Variants in METTL24 observed in about 807,000 individuals in gnomAD.
METTL24 encodes methyltransferase like 24.
In METTL24, 29 loss-of-function variants were observed where a neutral mutation model predicts 32.7. The observed-to-expected ratio is 0.89, with a 90% confidence interval of 0.66 to 1.21. The LOEUF is 1.21. METTL24 is among the 50% of genes most tolerant of loss of function. METTL24 has a pLI of 0.00. For synonymous variants in METTL24, 163 were observed against 179.5 expected (o/e 0.91, Z 0.73); for missense variants, 439 against 468.1 (o/e 0.94, Z 0.57).
chr6:110,312,534 C>T (rs940689702), intron 3 of METTL24, among the ~76,000 whole-genome samples: 2 of 152,162 alleles, frequency 1.3e-5, no homozygotes, highest in African/African-American at 4.8e-5. Context: ...GAATAAAATC[C>T]TGTCATTTGC....
chr6:110,248,760 A>AAAAAAT (rs1778219278), intron 4 of METTL24, among the ~76,000 whole-genome samples: 1 of 151,970 alleles, frequency 6.6e-6, no homozygotes, highest in East Asian at 1.9e-4. Flanking sequence ...TCTCTACAAA[A>AAAAAAT]AAAAATAAAA....
chr6:110,299,946 T>C (rs1003509326), intron 3 of METTL24, among the ~76,000 whole-genome samples: 13 of 152,194 alleles, frequency 8.5e-5, no homozygotes, highest in Non-Finnish European at 1.8e-4. Flanking sequence ...ATGGCTTTTC[T>C]GCCCCAATAC....
intron 4 of METTL24, among the ~76,000 whole-genome samples, chr6:110,269,851 A>G (rs1444674476): frequency 6.6e-6 from 1 of 152,216 alleles, no homozygotes; most frequent in Non-Finnish European, 1.5e-5. Flanking sequence ...AAGAGCATAT[A>G]AAGGAAAAGA....
chr6:110,354,384 C>A lies in METTL24; in HGVS notation c.318+3571G>T, dbSNP rs149547887. ...AACACCTGGAATGGAAGCAGAGTAA[C>A]AAGAAATACTTGGCAACCCAATTAT... On this transcript the variant is annotated intron_variant, in intron 1 of 4. Transcript: ENST00000338882. 7.4e-3 allele frequency among the ~76,000 whole-genome samples: 1,124 copies of A among 152,266 alleles called. 7 individuals are homozygous for A. Among genetic ancestry groups the A allele is most frequent in the Non-Finnish European group, 0.011 (733 of 68,000 alleles).
intron 3 of METTL24, among the ~76,000 whole-genome samples, chr6:110,299,918 A>ATTTTTTTAATGGTGATTATGGC (rs1771489999): frequency 6.6e-6 from 1 of 152,110 alleles, no homozygotes; most frequent in Non-Finnish European, 1.5e-5. Flanking sequence ...ACTGAGAATG[A>ATTTTTTTAATGGTGATTATGGC]TTTTTTTAAT....
At chr6:110,347,014 C>T (rs950303227) in intron 1 of METTL24, among the ~76,000 whole-genome samples, 16 of 151,958 alleles carry the variant, frequency 1.1e-4, no homozygotes, top group Non-Finnish European at 1.3e-4. Flanking sequence ...ACTTTGATGG[C>T]GTTCTTTTAA....
chr6:110,350,060 C>T (rs750114531), intron 1 of METTL24, among the ~76,000 whole-genome samples: 8 of 152,230 alleles, frequency 5.3e-5, no homozygotes, highest in Non-Finnish European at 1.2e-4. Flanking sequence ...TCCAAACTCT[C>T]ATGCAGGTGT....
At chr6:110,279,140 A>G (rs1477441862) in intron 4 of METTL24, among the ~76,000 whole-genome samples, 1 of 152,234 alleles carries the variant, frequency 6.6e-6, no homozygotes, top group Non-Finnish European at 1.5e-5. Context: ...GTTCATCTCA[A>G]TGCATCCAGT....
chr6:110,245,878 A>T lies in METTL24; in HGVS notation c.*68T>A. ...AGCAGGAGACTGGATGAGTAAACTC[A>T]TGATTAGAATTATGGACATGCTGCA... On this transcript the variant is annotated 3_prime_UTR_variant, in exon 5 of 5. Transcript: ENST00000338882. 2.1e-6 allele frequency: 3 copies of T among 1,457,274 alleles called. No homozygotes were observed. The highest frequency in any genetic ancestry group is 1.9e-6 in the Non-Finnish European group (2 of 1,072,988). The allele number at this position is 1,457,274 out of a possible 1,614,324, so 90.3% of individuals were successfully genotyped here.
chr6:110,284,834 C>T (rs536071963), intron 4 of METTL24, among the ~76,000 whole-genome samples: 2 of 151,412 alleles, frequency 1.3e-5, no homozygotes, highest in East Asian at 3.9e-4. Context: ...AAAAAAAAAT[C>T]CATTTTCTGT....
chr6:110,256,972 G>A (rs1584106990), intron 4 of METTL24, among the ~76,000 whole-genome samples: 2 of 152,120 alleles, frequency 1.3e-5, no homozygotes, highest in Non-Finnish European at 2.9e-5. Context: ...AGCATACAGG[G>A]CACCACAACT....
chr6:110,278,656 A>T (rs942916755), intron 4 of METTL24, among the ~76,000 whole-genome samples: 1 of 152,150 alleles, frequency 6.6e-6, no homozygotes, highest in African/African-American at 2.4e-5. Flanking sequence ...TGCTAAAATA[A>T]TTTTTTCTCC....
intron 2 of METTL24, among the ~76,000 whole-genome samples, chr6:110,318,769 C>A (rs894546360): frequency 6.6e-5 from 10 of 151,884 alleles, no homozygotes; most frequent in Non-Finnish European, 1.3e-4. Flanking sequence ...TTGTAAACAA[C>A]TGAAAGTCCT....
At chr6:110,295,865 T>A (rs1255612090) in intron 4 of METTL24, among the ~76,000 whole-genome samples, 2 of 143,080 alleles carry the variant, frequency 1.4e-5, no homozygotes, top group Non-Finnish European at 3.0e-5. Flanking sequence ...TGTACTAAAA[T>A]TGTTAATAAA....
At chr6:110,254,010 A>G (rs1778334310) in intron 4 of METTL24, 5 of 1,261,234 alleles carry the variant, frequency 4.0e-6, no homozygotes, top group Middle Eastern at 2.0e-4. Flanking sequence ...TCTCCTTGAC[A>G]TATTTGGAAT....
chr6:110,328,766 C>T (rs1450666839), intron 1 of METTL24, among the ~76,000 whole-genome samples: 1 of 152,140 alleles, frequency 6.6e-6, no homozygotes, highest in African/African-American at 2.4e-5. Flanking sequence ...GACCATGTAG[C>T]ATTTAAAAAA....
At chr6:110,247,290 G>T (rs147896436) in intron 4 of METTL24, among the ~76,000 whole-genome samples, 144 of 152,228 alleles carry the variant, frequency 9.5e-4, no homozygotes, top group African/African-American at 3.3e-3. Flanking sequence ...ACTCAGTGAG[G>T]AACCCATTCC....
At chr6:110,315,205 A>G in intron 3 of METTL24, 137 bp downstream of exon 3, 1 of 998,238 alleles carries the variant, frequency 1.0e-6, no homozygotes. Flanking sequence ...CAGACAGATC[A>G]GTCTGAAATG....
chr6:110,299,447 T>C (rs1306919345), intron 3 of METTL24, among the ~76,000 whole-genome samples: 1 of 152,034 alleles, frequency 6.6e-6, no homozygotes, highest in East Asian at 1.9e-4. Context: ...ACAGTAGCAA[T>C]GAAACAAAGA....
Sources: gnomAD v4.1 joint callset for allele counts (sites outside exome capture counted in the v4.1 genomes callset) on GRCh38, gnomAD v4.1.1 for gene constraint, MANE v1.5 for transcripts, NCBI Gene and HGNC (gene_info 2026-07-23, HGNC 2026-07-21) for gene names.